The following ONECUT3 variants were observed in gnomAD, a reference collection of about 807,000 sequenced individuals.
The protein encoded by ONECUT3 is one cut homeobox 3, also known as one cut domain family member 3.
A neutral mutation model predicts 16.8 loss-of-function variants in ONECUT3; 11 were observed. The ratio of observed to expected loss-of-function variants is 0.66; its 90% CI spans 0.41 to 1.09. ONECUT3 has a LOEUF of 1.09. ONECUT3 is among the 50% of genes least tolerant of loss of function. The pLI is 0.00. For synonymous variants in ONECUT3, 344 were observed against 310.7 expected (o/e 1.11, Z -1.13); for missense variants, 637 against 629.9 (o/e 1.01, Z -0.12).
At chr19:1,768,368 CCAGA>C (rs1176994490) in intron 1 of ONECUT3, among the ~76,000 whole-genome samples, 5 of 152,092 alleles carry the variant, frequency 3.3e-5, no homozygotes, top group East Asian at 3.9e-4. Flanking sequence ...GCGGGGGAGG[CCAGA>C]CAGAGAGGCG....
rs2145954797 is a variant in ONECUT3 at position 1,754,349 on chromosome 19, C to T, written c.687C>T (p.Gly229=). Residue 229 remains glycine, a synonymous_variant, in exon 1 of 2, where the codon GGC becomes GGT. Coordinates refer to ENST00000382349, the MANE Select transcript of ONECUT3 (RefSeq NM_001080488.2). This position sits in a 1 kb window ranked among gnomAD's most constrained non-coding sequence, Gnocchi z 7.4. ...CACCCCCGCCGCTGGCCGCCTACGGCCCGCCAGGCCACCTGGCTGGGGACA... is the reference window on the plus strand; with the variant it reads ...CACCCCCGCCGCTGGCCGCCTACGGTCCGCCAGGCCACCTGGCTGGGGACA... ...PPPPPPLAAY[G]PPGHLAGDKL... is the part of the protein sequence containing the mutation. 1.9e-6 allele frequency: 2 copies of T among 1,080,932 alleles called. No individual in the cohort carries two copies. Among genetic ancestry groups the T allele is most frequent in the East Asian group, 1.8e-4 (2 of 11,392 alleles). 67.0% of individuals were successfully genotyped at this position (1,080,932 alleles called of 1,614,324 possible). A position where few individuals can be genotyped will look rare whatever the true frequency, so the allele number is the denominator to read the frequency against.
rs536141321 is a variant in ONECUT3 at position 1,766,951 on chromosome 19, C to G, written c.1193-8202C>G. On this transcript the variant is annotated intron_variant, in intron 1 of 1. Transcript: ENST00000382349. This position sits in a 1 kb window ranked among gnomAD's most constrained non-coding sequence, Gnocchi z 4.0. ...GGCCCCACGAGGCTAAAAGGAGGAA[C>G]AGTGGCCCCTGGGAGTCCCAGAGGA... Among the ~76,000 whole-genome samples the G allele has an allele frequency of 1.3e-5, 2 of 152,070 alleles. No homozygotes were observed. Among genetic ancestry groups the G allele is most frequent in the Admixed American group, 6.5e-5 (1 of 15,282 alleles).
In ONECUT3 at chr19:1,758,078, G is replaced by T. The variant is rs907610864; in HGVS notation, c.1192+3224G>T. 2.0e-5 allele frequency among the ~76,000 whole-genome samples: 3 copies of T among 152,114 alleles called. No homozygotes were observed. The highest frequency in any genetic ancestry group is 4.4e-5 in the Non-Finnish European group (3 of 68,016). On this transcript the variant is annotated intron_variant, in intron 1 of 1. Transcript: ENST00000382349. The surrounding 1 kb of genome is among the most constrained non-coding windows in gnomAD (Gnocchi z 5.9). ...GGTGCCGAGTGTCCTGCCGGGCGCC[G>T]GGGCCAGGACAGAGACGGGGACAGG...
chr19:1,765,688 G>A (rs1254000834), intron 1 of ONECUT3, among the ~76,000 whole-genome samples: 2 of 152,178 alleles, frequency 1.3e-5, no homozygotes, highest in Non-Finnish European at 2.9e-5. Context: ...ACTGCGGCCC[G>A]GTGGGGACAC....
At position 1,779,404 on chromosome 19, in the gene ONECUT3, A is replaced by AGG; in HGVS notation, c.*3960_*3961insGG. The AGG allele has an allele frequency of 6.6e-6, 1 of 151,932 alleles. No homozygotes were observed. The highest frequency in any genetic ancestry group is 6.6e-5 in the Admixed American group (1 of 15,244). 9.4% of individuals were successfully genotyped at this position (151,932 alleles called of 1,614,324 possible). On this transcript the variant is annotated 3_prime_UTR_variant, in exon 2 of 2. Coordinates refer to ENST00000382349, the MANE Select transcript of ONECUT3 (RefSeq NM_001080488.2). Reference sequence around the variant, plus strand: ...CTTTAGGAAAGAAAGGAAGAGAGAGAGAGAGCGAGCGCAAGAGAGAGAGAG... The same window carrying AGG: ...CTTTAGGAAAGAAAGGAAGAGAGAGAGGGAGAGCGAGCGCAAGAGAGAGAGAG...
chr19:1,768,542 C>T (rs1034798429), intron 1 of ONECUT3, among the ~76,000 whole-genome samples: 1 of 152,200 alleles, frequency 6.6e-6, no homozygotes, highest in South Asian at 2.1e-4. Flanking sequence ...CCAGAGCAAG[C>T]TTGACAGCCT....
In ONECUT3 at chr19:1,775,737, T is replaced by A; in HGVS notation, c.*292T>A. 1 of 288,822 alleles carries A rather than the reference T, an allele frequency of 3.5e-6. No homozygotes were observed. The highest frequency in any genetic ancestry group is 6.4e-6 in the Non-Finnish European group (1 of 157,070). The allele number at this position is 288,822 out of a possible 1,614,324, so 17.9% of individuals were successfully genotyped here. On this transcript the variant is annotated 3_prime_UTR_variant, in exon 2 of 2. Transcript: ENST00000382349. ...AGGGGTTTCCCAGCCCCCTCTCCAT[T>A]CAGGACGCCCAGAGGGCCTCGAGAA... is the stretch of plus-strand genomic sequence containing the variant.
intron 1 of ONECUT3, among the ~76,000 whole-genome samples, chr19:1,773,305 C>T (rs984154222): frequency 1.8e-4 from 27 of 151,288 alleles, no homozygotes; most frequent in Non-Finnish European, 3.4e-4. Flanking sequence ...TCATGTTAGA[C>T]GCTTTTCTAA....
At position 1,779,410 on chromosome 19, in the gene ONECUT3, CGAGCGCAAGA is replaced by C. The variant is rs2068138014; in HGVS notation, c.*3969_*3978del. ...GAAAGAAAGGAAGAGAGAGAGAGAG[CGAGCGCAAGA>C]GAGAGAGAGAGGGAGAGAGAGGGAG... On this transcript the variant is annotated 3_prime_UTR_variant, in exon 2 of 2. Transcript: ENST00000382349. The C allele has an allele frequency of 6.7e-6, 1 of 149,560 alleles. No individual in the cohort carries two copies. Among genetic ancestry groups the C allele is most frequent in the Non-Finnish European group, 1.5e-5 (1 of 67,452 alleles). 9.3% of individuals were successfully genotyped at this position (149,560 alleles called of 1,614,324 possible).
rs1308466745 is a variant in ONECUT3, at chr19:1,753,658, C to T, written c.-5C>T. ...GGAGCGCGCGCGGCGGGAGGGCAGC[C>T]GAGCATGGAGCTGAGCCTGGAGAGC... On this transcript the variant is annotated 5_prime_UTR_variant, in exon 1 of 2. Coordinates refer to ENST00000382349, the MANE Select transcript of ONECUT3 (RefSeq NM_001080488.2). 2.9e-6 allele frequency: 3 copies of T among 1,048,008 alleles called. No individual in the cohort carries two copies. The highest frequency in any genetic ancestry group is 5.5e-5 in the Admixed American group (1 of 18,032). The allele number at this position is 1,048,008 out of a possible 1,614,324, so 64.9% of individuals were successfully genotyped here. A position where few individuals can be genotyped will look rare whatever the true frequency, so the allele number is the denominator to read the frequency against.
intron 1 of ONECUT3, among the ~76,000 whole-genome samples, chr19:1,771,438 T>C (rs1353126828): frequency 6.6e-6 from 1 of 152,198 alleles, no homozygotes; most frequent in Non-Finnish European, 1.5e-5. Context: ...ACCTTCATGT[T>C]TGGTCTTTTG....
chr19:1,754,404 C>A lies in ONECUT3; in HGVS notation c.742C>A (p.His248Asn). 1.8e-6 allele frequency: 2 copies of A among 1,085,752 alleles called. No homozygotes were observed. 67.3% of individuals were successfully genotyped at this position (1,085,752 alleles called of 1,614,324 possible). A position where few individuals can be genotyped will look rare whatever the true frequency, so the allele number is the denominator to read the frequency against. ...GCTGCCGCCCGCCGCCTTCGAGCCGCACGCCGCGCTGCTGGGACGCGCGGA... is the reference window on the plus strand; with the variant it reads ...GCTGCCGCCCGCCGCCTTCGAGCCGAACGCCGCGCTGCTGGGACGCGCGGA... ...KLLPPAAFEP[H>N]AALLGRAEDA... Residue 248 changes from histidine (H) to asparagine (N), a missense_variant, in exon 1 of 2, where the codon CAC becomes AAC. By Grantham distance (68) the His-to-Asn change is moderately conservative. Transcript: ENST00000382349. This position sits in a 1 kb window ranked among gnomAD's most constrained non-coding sequence, Gnocchi z 7.4.
In ONECUT3 at chr19:1,776,626, C is replaced by G. The variant is rs935750044; in HGVS notation, c.*1181C>G. The G allele has an allele frequency of 2.0e-5, 3 of 151,356 alleles. No individual in the cohort carries two copies. The highest frequency in any genetic ancestry group is 6.6e-5 in the Admixed American group (1 of 15,214). 9.4% of individuals were successfully genotyped at this position (151,356 alleles called of 1,614,324 possible). On this transcript the variant is annotated 3_prime_UTR_variant, in exon 2 of 2. Transcript: ENST00000382349. This position sits in a 1 kb window ranked among gnomAD's most constrained non-coding sequence, Gnocchi z 4.9. ...CGGAAATGAAGATGAGCGCCCCCCT[C>G]CCACCCCGCGCTCTCCCCCGCTCCT...
intron 1 of ONECUT3, among the ~76,000 whole-genome samples, chr19:1,763,523 G>A (rs2067958873): frequency 6.6e-6 from 1 of 151,898 alleles, no homozygotes; most frequent in African/African-American, 2.4e-5. Flanking sequence ...TCCAGCCTGG[G>A]CAACACAGGC....
In ONECUT3 at chr19:1,764,510, A is replaced by G. The variant is rs1489329315; in HGVS notation, c.1192+9656A>G. Reference sequence around the variant, plus strand: ...GGTGGGCTCCGCGTGAGATGTGGGCAGGGCAGGCATGGGGAGGGTAAGCCA... The same window carrying G: ...GGTGGGCTCCGCGTGAGATGTGGGCGGGGCAGGCATGGGGAGGGTAAGCCA... On this transcript the variant is annotated intron_variant, in intron 1 of 1. Coordinates refer to ENST00000382349, the MANE Select transcript of ONECUT3 (RefSeq NM_001080488.2). This position sits in a 1 kb window ranked among gnomAD's most constrained non-coding sequence, Gnocchi z 5.0. Among the ~76,000 whole-genome samples, 1 of 151,786 alleles carries G rather than the reference A, an allele frequency of 6.6e-6. No individual in the cohort carries two copies. The highest frequency in any genetic ancestry group is 1.5e-5 in the Non-Finnish European group (1 of 67,944).
In ONECUT3 at chr19:1,775,682, C is replaced by CG. The variant is rs895331230; in HGVS notation, c.*237_*238insG. 5.3e-6 allele frequency: 1 copy of CG among 187,584 alleles called. No individual in the cohort carries two copies. Among genetic ancestry groups the CG allele is most frequent in the African/African-American group, 5.2e-5 (1 of 19,348 alleles). 11.6% of individuals were successfully genotyped at this position (187,584 alleles called of 1,614,324 possible). A position where few individuals can be genotyped will look rare whatever the true frequency, so the allele number is the denominator to read the frequency against. On this transcript the variant is annotated 3_prime_UTR_variant, in exon 2 of 2. Coordinates refer to ENST00000382349, the MANE Select transcript of ONECUT3 (RefSeq NM_001080488.2). ...CCTCCAGGCCAAAGGAAGCCCTCCA[C>CG]CCCCCCCCGGAGGGGAGGGAGTGAC...
chr19:1,762,692 T>C lies in ONECUT3; in HGVS notation c.1192+7838T>C, dbSNP rs2067952710. Reference sequence around the variant, plus strand: ...GGCCTTGGAGCCTCAGGGTCACTGGTGCGGGCTCCGCAGGAAAGCGCAGCC... The same window carrying C: ...GGCCTTGGAGCCTCAGGGTCACTGGCGCGGGCTCCGCAGGAAAGCGCAGCC... On this transcript the variant is annotated intron_variant, in intron 1 of 1. Transcript: ENST00000382349. This position sits in a 1 kb window ranked among gnomAD's most constrained non-coding sequence, Gnocchi z 4.4. Among the ~76,000 whole-genome samples the C allele has an allele frequency of 6.6e-6, 1 of 152,196 alleles. No homozygotes were observed. The highest frequency in any genetic ancestry group is 6.5e-5 in the Admixed American group (1 of 15,286).
intron 1 of ONECUT3, among the ~76,000 whole-genome samples, chr19:1,757,991 A>G (rs1338486275): frequency 1.3e-5 from 2 of 152,146 alleles, no homozygotes; most frequent in African/African-American, 4.8e-5. Context: ...TCCAAGGAGA[A>G]CTTTGCGCCC....
chr19:1,756,966 T>C (rs1043206056), intron 1 of ONECUT3, among the ~76,000 whole-genome samples: 11 of 152,190 alleles, frequency 7.2e-5, no homozygotes, highest in Admixed American at 7.2e-4. Context: ...TGGGGGACAT[T>C]GTGTCCACCG....
Sources: gnomAD v4.1 joint callset for allele counts (sites outside exome capture counted in the v4.1 genomes callset) on GRCh38, gnomAD v4.1.1 for gene constraint, Gnocchi (gnomAD v3.1) non-coding constraint, MANE v1.5 for transcripts, NCBI Gene and HGNC (gene_info 2026-07-23, HGNC 2026-07-21) for gene names.